The following CIMIP5 variants were observed in gnomAD, a reference collection of about 807,000 sequenced individuals.
CIMIP5 encodes the protein uncharacterized protein C2orf50.
the CIMIP5 span, among the ~76,000 whole-genome samples, chr2:11,152,612 G>T: frequency 8.5e-5 from 13 of 152,280 alleles, no homozygotes; most frequent in South Asian, 2.1e-4. Context: ...GACCAGGGTT[G>T]CCATGTAGCT....
the CIMIP5 span, chr2:11,133,215 A>T: frequency 7.9e-7 from 1 of 1,258,714 alleles, no homozygotes. Flanking sequence ...GACCCTGCCC[A>T]GGCTCTCCCG....
chr2:11,133,972 C>G, the CIMIP5 span, among the ~76,000 whole-genome samples: 1 of 152,070 alleles, frequency 6.6e-6, no homozygotes, highest in Non-Finnish European at 1.5e-5. Context: ...ACCCATGAGC[C>G]GCTCTGAAAC....
At chr2:11,147,757 GC>G in the CIMIP5 span, among the ~76,000 whole-genome samples, 7 of 151,644 alleles carry the variant, frequency 4.6e-5, no homozygotes, top group Non-Finnish European at 8.8e-5. Context: ...CTCACAACCA[GC>G]CCCACCCACC....
chr2:11,145,987 C>T, the CIMIP5 span: 1 of 152,178 alleles, frequency 6.6e-6, no homozygotes. Flanking sequence ...ACAGGCAAAA[C>T]CTGAGATTCA....
At chr2:11,150,294 A>G in the CIMIP5 span, among the ~76,000 whole-genome samples, 18 of 151,746 alleles carry the variant, frequency 1.2e-4, no homozygotes, top group Non-Finnish European at 2.2e-4. Context: ...GTATATAACA[A>G]ACTTGCAAGT....
chr2:11,135,008 A>C, the CIMIP5 span, among the ~76,000 whole-genome samples: 1 of 152,128 alleles, frequency 6.6e-6, no homozygotes. Flanking sequence ...AGGGACCAAG[A>C]GACAGAGAGA....
At chr2:11,138,810 A>G in the CIMIP5 span, among the ~76,000 whole-genome samples, 2 of 152,090 alleles carry the variant, frequency 1.3e-5, no homozygotes, top group African/African-American at 4.8e-5. Context: ...CCATGATTGT[A>G]AGTTTCCTGA....
At chr2:11,149,712 A>AAAAT in the CIMIP5 span, among the ~76,000 whole-genome samples, 16 of 150,790 alleles carry the variant, frequency 1.1e-4, no homozygotes, top group East Asian at 5.9e-4. Flanking sequence ...ATCTCAAAAA[A>AAAAT]AATTAATTAA....
At chr2:11,143,656 T>TCAAG in the CIMIP5 span, among the ~76,000 whole-genome samples, 1 of 152,008 alleles carries the variant, frequency 6.6e-6, no homozygotes, top group Non-Finnish European at 1.5e-5. Context: ...GACCTGATCC[T>TCAAG]TCCCTTGATC....
the CIMIP5 span, among the ~76,000 whole-genome samples, chr2:11,152,753 A>G: frequency 2.0e-5 from 3 of 152,026 alleles, no homozygotes; most frequent in Non-Finnish European, 2.9e-5. Context: ...AGCCTCGCAG[A>G]TCAGCTGTTT....
the CIMIP5 span, chr2:11,133,162 C>T: frequency 1.4e-6 from 1 of 706,492 alleles, no homozygotes. Flanking sequence ...GCCCTGTCCC[C>T]ATCGGCCACT....
the CIMIP5 span, among the ~76,000 whole-genome samples, chr2:11,141,121 C>CTTTTT: frequency 1.2e-4 from 7 of 60,444 alleles, no homozygotes; most frequent in Admixed American, 2.5e-4. Context: ...CCACAACACA[C>CTTTTT]TTTTTTTTTT....
chr2:11,133,915 T>C, the CIMIP5 span, among the ~76,000 whole-genome samples: 1 of 152,104 alleles, frequency 6.6e-6, no homozygotes, highest in Non-Finnish European at 1.5e-5. Context: ...CTGTCTGACC[T>C]GACTCGGGGA....
At chr2:11,148,832 T>G in the CIMIP5 span, among the ~76,000 whole-genome samples, 1 of 148,316 alleles carries the variant, frequency 6.7e-6, no homozygotes, top group Admixed American at 6.7e-5. Context: ...CCTCCTGGGT[T>G]CAAGCGATTC....
chr2:11,148,460 C>T, the CIMIP5 span, among the ~76,000 whole-genome samples: 2 of 151,824 alleles, frequency 1.3e-5, no homozygotes, highest in African/African-American at 4.8e-5. Flanking sequence ...ACGGAAAGTA[C>T]AAGGCGAGCC....
the CIMIP5 span, among the ~76,000 whole-genome samples, chr2:11,147,517 C>T: frequency 6.6e-6 from 1 of 152,112 alleles, no homozygotes; most frequent in Non-Finnish European, 1.5e-5. Flanking sequence ...AGCTGGGGCT[C>T]AGCTGATTTT....
chr2:11,139,312 T>C, the CIMIP5 span, among the ~76,000 whole-genome samples: 2 of 152,226 alleles, frequency 1.3e-5, no homozygotes, highest in Non-Finnish European at 2.9e-5. Flanking sequence ...TTTCAAAATA[T>C]GGATGCAAAG....
the CIMIP5 span, among the ~76,000 whole-genome samples, chr2:11,146,217 AC>A: frequency 2.0e-5 from 3 of 152,166 alleles, no homozygotes; most frequent in African/African-American, 7.2e-5. Context: ...CCTCTCAGCA[AC>A]CCTATGAGAT....
the CIMIP5 span, among the ~76,000 whole-genome samples, chr2:11,150,419 G>A: frequency 0.36 from 53,701 of 149,926 alleles, 10,928 homozygotes; most frequent in South Asian, 0.5. Flanking sequence ...TGCAGCCTCC[G>A]CTTCCCAGGT....
Sources: allele counts gnomAD v4.1 joint callset (sites outside exome capture counted in the v4.1 genomes callset), GRCh38; gene constraint gnomAD v4.1.1; transcripts MANE v1.5; gene names NCBI Gene and HGNC (gene_info 2026-07-23, HGNC 2026-07-21).